C4orf17: variants seen among roughly 807,000 people sequenced by gnomAD.
C4orf17 encodes the protein uncharacterized protein C4orf17.
In C4orf17, 25 loss-of-function variants were observed where a neutral mutation model predicts 32.0. The ratio of observed to expected loss-of-function variants is 0.78; its 90% confidence interval spans 0.57 to 1.09. The LOEUF (loss-of-function observed/expected upper bound fraction) is 1.09. Ranked by LOEUF, C4orf17 falls within the 50% of genes least tolerant of loss-of-function variation. The probability of loss-of-function intolerance (pLI) is 0.00; values close to 1 mark genes in which losing one functional copy is unlikely to be tolerated. For synonymous variants in C4orf17, 149 were observed against 145.8 expected, an observed-to-expected ratio of 1.02 and a Z score of -0.16; for missense variants, 420 against 420.0, an observed-to-expected ratio of 1.00 and a Z score of 0.00.
intron 2 of C4orf17, among the ~76,000 whole-genome samples, chr4:99,515,021 A>G (rs1723155035): frequency 6.6e-6 from 1 of 152,202 alleles, no homozygotes; most frequent in African/African-American, 2.4e-5. Flanking sequence ...CAAAGATCAT[A>G]TGTTCTCAGT....
chr4:99,512,556 T>C (rs1237390145), intron 1 of C4orf17, among the ~76,000 whole-genome samples: 1 of 152,182 alleles, frequency 6.6e-6, no homozygotes, highest in African/African-American at 2.4e-5. Context: ...TTTAAGATGC[T>C]GGGTTTTAAA....
At chr4:99,533,867 T>C (rs1723516601) in intron 5 of C4orf17, among the ~76,000 whole-genome samples, 1 of 152,194 alleles carries the variant, frequency 6.6e-6, no homozygotes, top group Admixed American at 6.5e-5. Flanking sequence ...AAAATAGCCC[T>C]GCAATAGAGG....
chr4:99,525,489 G>A (rs750337799), intron 4 of C4orf17, among the ~76,000 whole-genome samples: 9 of 152,076 alleles, frequency 5.9e-5, no homozygotes, highest in Non-Finnish European at 7.4e-5. Context: ...TAGATCTTTC[G>A]TCCACTTCTT....
intron 2 of C4orf17, 43 bp downstream of exon 2, chr4:99,513,251 A>G: frequency 6.2e-7 from 1 of 1,606,728 alleles, no homozygotes; most frequent in Non-Finnish European, 8.5e-7. Context: ...TATTCTCTAC[A>G]CTTGGGCTAT....
At chr4:99,515,204 T>G (rs1723160065) in intron 2 of C4orf17, among the ~76,000 whole-genome samples, 1 of 152,220 alleles carries the variant, frequency 6.6e-6, no homozygotes, top group African/African-American at 2.4e-5. Context: ...ACTAAAGAAC[T>G]TATCCAGTAA....
chr4:99,520,176 G>C (rs904641124), intron 2 of C4orf17, among the ~76,000 whole-genome samples: 1 of 148,176 alleles, frequency 6.7e-6, no homozygotes, highest in African/African-American at 2.5e-5. Context: ...TGCAAGCTCC[G>C]CCTCGCGGGT....
At chr4:99,522,811 C>A in intron 3 of C4orf17, 102 bp downstream of exon 3, 1 of 850,992 alleles carries the variant, frequency 1.2e-6, no homozygotes. Context: ...GTTTTTACAT[C>A]AAGTTTCCTC....
intron 5 of C4orf17, chr4:99,536,061 T>G (rs372414112): frequency 6.0e-5 from 25 of 418,506 alleles, no homozygotes; most frequent in African/African-American, 4.8e-4. Flanking sequence ...TCAGTGAGAG[T>G]TGCAAGACAG....
chr4:99,525,643 A>T (rs1256445991), intron 4 of C4orf17, among the ~76,000 whole-genome samples: 2 of 152,004 alleles, frequency 1.3e-5, no homozygotes, highest in East Asian at 3.9e-4. Context: ...AATACAAAAA[A>T]AATTAGTCGG....
rs1283637418 is a variant in C4orf17 at position 99,542,302 on chromosome 4, A to G, written c.*193A>G. 3 of 599,842 alleles carry G rather than the reference A, an allele frequency of 5.0e-6. No individual in the cohort carries two copies. Among genetic ancestry groups the G allele is most frequent in the Non-Finnish European group, 8.8e-6 (3 of 340,502 alleles). The allele number at this position is 599,842 out of a possible 1,614,324, so 37.2% of individuals were successfully genotyped here. ...GGAAATGATATTTCCATTTGTAGTT[A>G]ATACGATGTGTAAAAGAAATACATT... On this transcript the variant is annotated 3_prime_UTR_variant, in exon 9 of 9. Transcript: ENST00000326581.
chr4:99,540,480 T>C (rs575221218), intron 8 of C4orf17, 25 bp downstream of exon 8: 3 of 1,559,048 alleles, frequency 1.9e-6, no homozygotes, highest in Admixed American at 3.4e-5. Context: ...TTGGTAACTA[T>C]TGAGTTGGTA....
chr4:99,512,529 C>G (rs1723110689), intron 1 of C4orf17, among the ~76,000 whole-genome samples: 1 of 152,042 alleles, frequency 6.6e-6, no homozygotes, highest in South Asian at 2.1e-4. Flanking sequence ...ACCATTCTCT[C>G]CGAAGATGAT....
At chr4:99,515,644 A>G (rs1370581911) in intron 2 of C4orf17, among the ~76,000 whole-genome samples, 1 of 152,148 alleles carries the variant, frequency 6.6e-6, no homozygotes, top group African/African-American at 2.4e-5. Flanking sequence ...ACAAGCCCCC[A>G]TGACACAAGT....
chr4:99,537,658 T>C lies in C4orf17; in HGVS notation c.547-11T>C, dbSNP rs1268013813. The C allele has an allele frequency of 2.5e-6, 4 of 1,604,006 alleles. No individual in the cohort carries two copies. Among genetic ancestry groups the C allele is most frequent in the Non-Finnish European group, 3.4e-6 (4 of 1,172,950 alleles). On this transcript the variant is annotated splice_polypyrimidine_tract_variant and intron_variant, in intron 5 of 8. Transcript: ENST00000326581. ...TATTTGCTCATATGTAACTCTAATG[T>C]TCTCTGTCAGATCCTGGCAAAGCTC... is the stretch of plus-strand genomic sequence containing the variant.
intron 2 of C4orf17, among the ~76,000 whole-genome samples, chr4:99,515,060 A>C (rs1723155397): frequency 6.6e-6 from 1 of 152,218 alleles, no homozygotes. Flanking sequence ...TAGAGGATGC[A>C]AAGGCAGAAG....
intron 3 of C4orf17, among the ~76,000 whole-genome samples, 196 bp from the exon 4 acceptor site, chr4:99,524,325 C>G (rs950723918): frequency 6.6e-6 from 1 of 152,060 alleles, no homozygotes; most frequent in Non-Finnish European, 1.5e-5. Context: ...GGGCATAGAA[C>G]TAGTTTTTAA....
rs538322950 is a variant in C4orf17, at chr4:99,518,579, AGAGAGGGAGG to A, written c.128-3916_128-3907del. ...GAGAGAGAGAGAGAGAGAGAGAGAG[AGAGAGGGAGG>A]GAGACAGAGAGAGAGAGAGACTGTT... On this transcript the variant is annotated intron_variant, in intron 2 of 8. Transcript: ENST00000326581. Among the ~76,000 whole-genome samples the A allele has an allele frequency of 1.8e-3, 216 of 120,306 alleles. 2 individuals carry two copies. Among genetic ancestry groups the A allele is most frequent in the Middle Eastern group, 7.8e-3 (2 of 258 alleles). The allele number at this position is 120,306 out of a possible 152,430, so 78.9% of individuals were successfully genotyped here.
intron 2 of C4orf17, among the ~76,000 whole-genome samples, chr4:99,522,220 C>G (rs1383445992): frequency 6.6e-6 from 1 of 152,162 alleles, no homozygotes; most frequent in Admixed American, 6.5e-5. Context: ...CCACTTGAAT[C>G]CCAGACCAAC....
chr4:99,518,689 G>A (rs1359028909), intron 2 of C4orf17, among the ~76,000 whole-genome samples: 1 of 150,186 alleles, frequency 6.7e-6, no homozygotes, highest in Non-Finnish European at 1.5e-5. Context: ...AGGCTAAAAT[G>A]TTCCCTATTA....
Sources: gnomAD v4.1 joint callset for allele counts (sites outside exome capture counted in the v4.1 genomes callset) on GRCh38, gnomAD v4.1.1 for gene constraint, MANE v1.5 for transcripts, NCBI Gene and HGNC (gene_info 2026-07-23, HGNC 2026-07-21) for gene names.